Variants in DOCK2 observed in about 807,000 individuals in gnomAD.
The protein encoded by DOCK2 is dedicator of cytokinesis protein 2.
Under a neutral mutation model 248.9 loss-of-function variants are expected in DOCK2, and 87 were observed. The observed-to-expected ratio is 0.35, with a 90% confidence interval of 0.29 to 0.42. The LOEUF is 0.42. Among genes scored for constraint, DOCK2 ranks in the 10% least tolerant of loss-of-function variants. The pLI, the probability that DOCK2 is intolerant of heterozygous loss-of-function variation, is 1.00. For synonymous variants in DOCK2, 805 were observed against 821.6 expected, an observed-to-expected ratio of 0.98 and a Z score of 0.35; for missense variants, 1,747 against 2,300.2, an observed-to-expected ratio of 0.76 and a Z score of 4.92.
Position 169,740,001 on chromosome 5 carries a change from A to G in DOCK2, c.2268-7395A>G, listed in dbSNP as rs528530127. ...ATTTCTAATTATATTGGGGGGAAAA[A>G]CCCTAAATACCATTTTTCATGCTAA... On this transcript the variant is annotated intron_variant, in intron 22 of 51. Coordinates refer to ENST00000520908, the MANE Select transcript of DOCK2 (RefSeq NM_004946.3). 1.5e-4 allele frequency among the ~76,000 whole-genome samples: 23 copies of G among 152,312 alleles called. No individual in the cohort carries two copies. The East Asian group carries it at 2.5e-3, about 17-fold the overall frequency.
intron 27 of DOCK2, among the ~76,000 whole-genome samples, chr5:169,967,550 A>G (rs780970402): frequency 6.6e-6 from 1 of 152,232 alleles, no homozygotes; most frequent in African/African-American, 2.4e-5. Context: ...GGACCAGGTC[A>G]TGCAGGGAAC....
At position 169,803,054 on chromosome 5, in the gene DOCK2, C is replaced by T. The variant is rs1370860856; in HGVS notation, c.2555-4C>T. The T allele has an allele frequency of 2.5e-6, 4 of 1,613,900 alleles. No individual in the cohort carries two copies. Among genetic ancestry groups the T allele is most frequent in the African/African-American group, 1.3e-5 (1 of 74,890 alleles). On this transcript the variant is annotated splice_polypyrimidine_tract_variant and splice_region_variant and intron_variant, in intron 25 of 51. Coordinates refer to ENST00000520908, the MANE Select transcript of DOCK2 (RefSeq NM_004946.3). ...TACACTACTCTGAACTGTCTTTATT[C>T]CAGAATGCCGGGACATTCTGCTTCC...
chr5:169,647,712 G>A (rs139615577), intron 1 of DOCK2, among the ~76,000 whole-genome samples: 30 of 152,034 alleles, frequency 2.0e-4, no homozygotes, highest in African/African-American at 6.5e-4. Flanking sequence ...CTCCTTGGGG[G>A]CTCTCAGTCC....
intron 45 of DOCK2, among the ~76,000 whole-genome samples, chr5:170,068,342 G>A (rs1757567094): frequency 6.6e-6 from 1 of 152,176 alleles, no homozygotes; most frequent in African/African-American, 2.4e-5. Context: ...TTGAAATAGA[G>A]TAGAAAGTTC....
intron 27 of DOCK2, among the ~76,000 whole-genome samples, chr5:169,922,153 T>C (rs956163121): frequency 6.6e-6 from 1 of 152,212 alleles, no homozygotes; most frequent in African/African-American, 2.4e-5. Context: ...GTCATCAATA[T>C]TTGCATAGCT....
At chr5:170,038,607 G>C (rs75930341) in intron 36 of DOCK2, among the ~76,000 whole-genome samples, 5,509 of 152,198 alleles carry the variant, frequency 0.036, 168 homozygotes, top group South Asian at 0.17. Flanking sequence ...GACAGGCCTG[G>C]AGCACTGTCA....
In DOCK2 at chr5:170,019,078, T is replaced by C. The variant is rs770222607; in HGVS notation, c.3351T>C (p.Cys1117=). 2 of 1,614,090 alleles carry C rather than the reference T, an allele frequency of 1.2e-6. No homozygotes were observed. The highest frequency in any genetic ancestry group is 1.7e-6 in the Non-Finnish European group (2 of 1,179,970). The part of the protein sequence containing the change: ...TIPIFFDMML[C]EYQRSGDFKK... ...CAATCTTCTTCGACATGATGCTGTGTGAATATCAAAGAAGTGGGGATTTCA... is the reference window on the plus strand; with the variant it reads ...CAATCTTCTTCGACATGATGCTGTGCGAATATCAAAGAAGTGGGGATTTCA... Residue 1117 remains cysteine, a synonymous_variant, in exon 33 of 52, where the codon TGT becomes TGC. Transcript: ENST00000520908.
intron 2 of DOCK2, among the ~76,000 whole-genome samples, chr5:169,654,814 G>A (rs982157383): frequency 6.6e-6 from 1 of 152,144 alleles, no homozygotes; most frequent in Non-Finnish European, 1.5e-5. Flanking sequence ...GCATCATTAG[G>A]GTTTGGAAGG....
At chr5:169,666,140 G>A (rs1227601849) in intron 2 of DOCK2, among the ~76,000 whole-genome samples, 1 of 152,114 alleles carries the variant, frequency 6.6e-6, no homozygotes, top group Admixed American at 6.5e-5. Context: ...GGTGGGGGCC[G>A]CTTCTTGGTT....
chr5:169,755,470 C>A, intron 23 of DOCK2, among the ~76,000 whole-genome samples: 1 of 152,226 alleles, frequency 6.6e-6, no homozygotes, highest in East Asian at 1.9e-4. Flanking sequence ...CGGCTGGGCA[C>A]GGTGGCTCCA....
At chr5:170,074,681 T>C (rs1296133555) in intron 46 of DOCK2, among the ~76,000 whole-genome samples, 1 of 152,248 alleles carries the variant, frequency 6.6e-6, no homozygotes, top group African/African-American at 2.4e-5. Context: ...TTCTGCCTTC[T>C]GTTGTGCCTG....
intron 25 of DOCK2, among the ~76,000 whole-genome samples, chr5:169,774,893 TTTGTTGTTG>T (rs71575576): frequency 2.7e-5 from 4 of 150,746 alleles, no homozygotes; most frequent in Non-Finnish European, 2.9e-5. Context: ...ATGACTGTTT[TTTGTTGTTG>T]TTGTTGTTGT....
At chr5:169,714,595 G>C (rs1348797072) in intron 19 of DOCK2, 138 bp downstream of exon 19, 2 of 873,838 alleles carry the variant, frequency 2.3e-6, no homozygotes, top group Non-Finnish European at 3.4e-6. Context: ...CTCCCGAGTT[G>C]CCTTGAGGAA....
At position 169,717,828 on chromosome 5, in the gene DOCK2, G is replaced by A. The variant is rs563819770; in HGVS notation, c.2132+344G>A. 3.3e-5 allele frequency among the ~76,000 whole-genome samples: 5 copies of A among 152,290 alleles called. No homozygotes were observed. In the South Asian group the frequency reaches 8.3e-4, roughly 25 times the overall value. ...TGTAATCCCAGGACTTTGGGAGGCT[G>A]AGATAGGTGGATCACCTGAGGTCAG... On this transcript the variant is annotated intron_variant, in intron 21 of 51. Transcript: ENST00000520908.
At chr5:170,047,669 C>A in intron 40 of DOCK2, 55 bp downstream of exon 40, 1 of 1,501,140 alleles carries the variant, frequency 6.7e-7, no homozygotes, top group South Asian at 1.1e-5. Context: ...CTCGGCATCT[C>A]AGCGGTCCTT....
intron 23 of DOCK2, among the ~76,000 whole-genome samples, chr5:169,750,618 C>T (rs536588122): frequency 1.1e-4 from 16 of 152,254 alleles, no homozygotes; most frequent in Admixed American, 5.9e-4. Context: ...AAATACCTTG[C>T]TTTCCTTATA....
intron 9 of DOCK2, among the ~76,000 whole-genome samples, chr5:169,690,727 G>A (rs968014906): frequency 6.6e-6 from 1 of 152,156 alleles, no homozygotes; most frequent in Non-Finnish European, 1.5e-5. Flanking sequence ...TCAATCAGTG[G>A]TTCATTTTGC....
At chr5:170,030,388 CCTCT>C (rs574075110) in intron 34 of DOCK2, among the ~76,000 whole-genome samples, 1 of 152,202 alleles carries the variant, frequency 6.6e-6, no homozygotes, top group Admixed American at 6.5e-5. Context: ...CATCCTTTCA[CCTCT>C]CTGAGTCTCA....
chr5:170,008,929 C>G (rs1185483379), intron 32 of DOCK2, among the ~76,000 whole-genome samples, 183 bp downstream of exon 32: 1 of 151,994 alleles, frequency 6.6e-6, no homozygotes, highest in Admixed American at 6.6e-5. Flanking sequence ...GTTCCCCATA[C>G]CCACTTCTAC....
Sources: allele counts gnomAD v4.1 joint callset (sites outside exome capture counted in the v4.1 genomes callset), GRCh38; gene constraint gnomAD v4.1.1; transcripts MANE v1.5; gene names NCBI Gene and HGNC (gene_info 2026-07-23, HGNC 2026-07-21).